FHIT: variants seen among roughly 807,000 people sequenced by gnomAD.
FHIT encodes the protein bis(5'-adenosyl)-triphosphatase.
FHIT carries 19 observed loss-of-function variants against 17.9 expected under a neutral mutation model. The observed-to-expected ratio is 1.06, with a 90% CI of 0.74 to 1.56. The LOEUF is 1.56. Ranked by LOEUF, FHIT falls within the 40% of genes most tolerant of loss-of-function variation. The pLI is 0.00. For synonymous variants in FHIT, 81 were observed against 69.7 expected (o/e 1.16, Z -0.81); for missense variants, 248 against 189.2 (o/e 1.31, Z -1.82).
intron 4 of FHIT, among the ~76,000 whole-genome samples, chr3:60,788,754 A>T (rs1323927245): frequency 2.0e-5 from 3 of 152,194 alleles, no homozygotes; most frequent in African/African-American, 7.2e-5. Flanking sequence ...ATGTATACAC[A>T]TACACATTTG....
At chr3:60,809,228 A>G (rs1205416288) in intron 4 of FHIT, among the ~76,000 whole-genome samples, 1 of 152,160 alleles carries the variant, frequency 6.6e-6, no homozygotes, top group Admixed American at 6.5e-5. Context: ...AGATTGTGCA[A>G]TTTCTGCATA....
intron 7 of FHIT, among the ~76,000 whole-genome samples, chr3:59,960,706 G>C (rs147825072): frequency 2.0e-5 from 3 of 152,296 alleles, no homozygotes; most frequent in Non-Finnish European, 2.9e-5. Context: ...TCTTCCTTTT[G>C]TTATGAGCAT....
chr3:60,211,443 C>A (rs1483725306), intron 5 of FHIT, among the ~76,000 whole-genome samples: 1 of 151,940 alleles, frequency 6.6e-6, no homozygotes, highest in Non-Finnish European at 1.5e-5. Flanking sequence ...CATAAATATT[C>A]TACATAATTA....
At chr3:60,319,627 G>A (rs775814593) in intron 5 of FHIT, among the ~76,000 whole-genome samples, 1 of 152,140 alleles carries the variant, frequency 6.6e-6, no homozygotes, top group Admixed American at 6.5e-5. Flanking sequence ...TTTGTCTCAT[G>A]AGCACATAGA....
chr3:61,223,336 C>G (rs1162052219), intron 1 of FHIT, among the ~76,000 whole-genome samples: 1 of 152,156 alleles, frequency 6.6e-6, no homozygotes, highest in African/African-American at 2.4e-5. Flanking sequence ...ATCTGAGAAA[C>G]TGTCAGAATA....
intron 5 of FHIT, among the ~76,000 whole-genome samples, chr3:60,340,178 G>T (rs910952293): frequency 1.1e-4 from 16 of 152,130 alleles, no homozygotes; most frequent in African/African-American, 3.6e-4. Context: ...GTATTTTAAT[G>T]CAGCAGCCTT....
At chr3:59,949,855 A>ATT (rs1707026017) in intron 7 of FHIT, among the ~76,000 whole-genome samples, 4 of 152,224 alleles carry the variant, frequency 2.6e-5, no homozygotes, top group African/African-American at 9.6e-5. Context: ...CTGATGGGGA[A>ATT]CGCAGGGTAT....
chr3:60,546,624 AG>A (rs1021573939), intron 4 of FHIT, among the ~76,000 whole-genome samples: 12 of 152,166 alleles, frequency 7.9e-5, no homozygotes, highest in African/African-American at 2.9e-4. Flanking sequence ...TGTGGGCTCC[AG>A]CACCACCTGC....
At chr3:61,181,328 A>G (rs2038336176) in intron 2 of FHIT, among the ~76,000 whole-genome samples, 1 of 152,198 alleles carries the variant, frequency 6.6e-6, no homozygotes, top group Non-Finnish European at 1.5e-5. Context: ...GAAAACATCA[A>G]TATTTGTATC....
chr3:60,636,961 T>C (rs2039603112), intron 4 of FHIT, among the ~76,000 whole-genome samples: 1 of 152,066 alleles, frequency 6.6e-6, no homozygotes. Context: ...GGCCAAGTCA[T>C]GGTGGGGGCT....
At chr3:60,238,651 T>C (rs1704946193) in intron 5 of FHIT, among the ~76,000 whole-genome samples, 1 of 152,190 alleles carries the variant, frequency 6.6e-6, no homozygotes, top group Admixed American at 6.5e-5. Context: ...TCGATTCATT[T>C]TTCAAACCCT....
chr3:60,107,092 T>C (rs1704451887), intron 5 of FHIT, among the ~76,000 whole-genome samples: 1 of 152,102 alleles, frequency 6.6e-6, no homozygotes, highest in South Asian at 2.1e-4. Context: ...CTGGGCACTA[T>C]TTTCCTAGGA....
intron 5 of FHIT, among the ~76,000 whole-genome samples, chr3:60,407,067 A>ATTTTTTTTTTTTTTTTT (rs34542104): frequency 1.6e-5 from 1 of 62,878 alleles, no homozygotes; most frequent in Non-Finnish European, 2.8e-5. Flanking sequence ...CCTGCCAATA[A>ATTTTTTTTTTTTTTTTT]TTTTTTTTTT....
At chr3:60,453,172 TTTAA>T (rs1226234619) in intron 5 of FHIT, among the ~76,000 whole-genome samples, 1 of 150,430 alleles carries the variant, frequency 6.6e-6, no homozygotes, top group African/African-American at 2.5e-5. Flanking sequence ...TCATGAACAG[TTTAA>T]TTATTTTATG....
At chr3:59,885,743 C>T (rs1703596050) in intron 8 of FHIT, among the ~76,000 whole-genome samples, 1 of 152,152 alleles carries the variant, frequency 6.6e-6, no homozygotes, top group Non-Finnish European at 1.5e-5. Flanking sequence ...AGCCTCAAGG[C>T]ATGTATAAAG....
intron 8 of FHIT, among the ~76,000 whole-genome samples, chr3:59,849,956 TA>T (rs1701868699): frequency 6.6e-6 from 1 of 152,222 alleles, no homozygotes; most frequent in Admixed American, 6.5e-5. Context: ...GATACACAAC[TA>T]TATGCACTAA....
At chr3:60,894,549 G>T (rs1328478469) in intron 3 of FHIT, among the ~76,000 whole-genome samples, 1 of 152,124 alleles carries the variant, frequency 6.6e-6, no homozygotes, top group Non-Finnish European at 1.5e-5. Flanking sequence ...GCATTAAAGA[G>T]AATGAAATGA....
intron 4 of FHIT, among the ~76,000 whole-genome samples, chr3:60,778,349 C>A (rs781873247): frequency 6.6e-6 from 1 of 152,116 alleles, no homozygotes; most frequent in South Asian, 2.1e-4. Context: ...AGCTATAGGA[C>A]TTTGACAGGT....
intron 5 of FHIT, among the ~76,000 whole-genome samples, chr3:60,322,508 G>A (rs1225163599): frequency 2.0e-5 from 3 of 152,150 alleles, no homozygotes; most frequent in African/African-American, 7.2e-5. Flanking sequence ...GAAGTCTAAG[G>A]TCCAGAGAGA....
Sources: allele counts gnomAD v4.1 joint callset (sites outside exome capture counted in the v4.1 genomes callset), GRCh38; gene constraint gnomAD v4.1.1; transcripts MANE v1.5; gene names NCBI Gene and HGNC (gene_info 2026-07-23, HGNC 2026-07-21).